Variants in NDUFB9 observed in about 807,000 individuals in gnomAD.
NDUFB9 encodes NADH dehydrogenase [ubiquinone] 1 beta subcomplex subunit 9.
A neutral mutation model predicts 30.2 loss-of-function variants in NDUFB9; 24 were observed. The ratio of observed to expected loss-of-function variants is 0.80; its 90% CI spans 0.58 to 1.12. The LOEUF (loss-of-function observed/expected upper bound fraction) is 1.12, where lower values mean the gene tolerates loss of function less well. Ranked by LOEUF, NDUFB9 falls within the 50% of genes most tolerant of loss-of-function variation. NDUFB9 has a pLI of 0.00. For synonymous variants in NDUFB9, 80 were observed against 84.0 expected (o/e 0.95, Z 0.26); for missense variants, 204 against 226.0 (o/e 0.90, Z 0.62).
chr8:124,545,895 T>C (rs1397607848), intron 2 of NDUFB9, among the ~76,000 whole-genome samples: 2 of 152,110 alleles, frequency 1.3e-5, no homozygotes, highest in African/African-American at 4.8e-5. Context: ...CAGGCTGGAG[T>C]GCAATGGCAC....
At chr8:124,541,357 C>T (rs1821978268) in intron 1 of NDUFB9, among the ~76,000 whole-genome samples, 1 of 152,210 alleles carries the variant, frequency 6.6e-6, no homozygotes, top group Non-Finnish European at 1.5e-5. Flanking sequence ...GAATTGTTCT[C>T]AAGTATTTGC....
chr8:124,545,315 G>A (rs1270497746), intron 2 of NDUFB9, among the ~76,000 whole-genome samples: 1 of 152,162 alleles, frequency 6.6e-6, no homozygotes, highest in Non-Finnish European at 1.5e-5. Flanking sequence ...CTATCAAATG[G>A]CATCACATGC....
chr8:124,543,018 CTG>C, intron 1 of NDUFB9, 67 bp from the exon 2 acceptor site: 1 of 1,535,380 alleles, frequency 6.5e-7, no homozygotes, highest in Non-Finnish European at 9.0e-7. Context: ...GTGCAGCCTC[CTG>C]TCAGACAGCA....
intron 3 of NDUFB9, among the ~76,000 whole-genome samples, chr8:124,548,735 A>G (rs573281665): frequency 4.5e-4 from 68 of 152,220 alleles, no homozygotes; most frequent in African/African-American, 1.6e-3. Context: ...GCTGAATTTA[A>G]AAAAAAACAA....
In NDUFB9 at chr8:124,549,875, C is replaced by G. The variant is rs745392030; in HGVS notation, c.523C>G (p.Arg175Gly). 6.2e-7 allele frequency: 1 copy of G among 1,614,026 alleles called. No individual in the cohort carries two copies. The highest frequency in any genetic ancestry group is 1.3e-5 in the African/African-American group (1 of 74,906). The change falls in exon 4 of 4, where the codon CGG becomes GGG. Residue 175 changes from arginine (R) to glycine (G), a missense_variant. Physicochemically the swap from Arg to Gly is moderately radical, Grantham distance 125. Coordinates refer to ENST00000276689, the MANE Select transcript of NDUFB9 (RefSeq NM_005005.3). ...PLWWYIVTRPRERPM is the reference protein window; with the variant it reads ...PLWWYIVTRPGERPM ...GTGGTGGTATATTGTGACCAGACCC[C>G]GGGAGCGGCCCATGTAGAAAGAGAG...
chr8:124,549,052 G>T (rs184160211), intron 3 of NDUFB9, among the ~76,000 whole-genome samples: 1 of 152,212 alleles, frequency 6.6e-6, no homozygotes, highest in Non-Finnish European at 1.5e-5. Flanking sequence ...ATGGTGAGCC[G>T]CAGGTGCATT....
Position 124,546,984 on chromosome 8 carries a change from T to A in NDUFB9, c.295-16T>A. On this transcript the variant is annotated splice_polypyrimidine_tract_variant and intron_variant, in intron 2 of 3. Coordinates refer to ENST00000276689, the MANE Select transcript of NDUFB9 (RefSeq NM_005005.3). The stretch of plus-strand genomic sequence containing the variant: ...TGTGTCCTGTGGATTGATACCATGA[T>A]TTCCTCTCCTGACAGGTCCCAGAAT... 6.3e-7 allele frequency: 1 copy of A among 1,575,806 alleles called. No individual in the cohort carries two copies. Among genetic ancestry groups the A allele is most frequent in the East Asian group, 2.2e-5 (1 of 44,680 alleles).
chr8:124,546,697 TC>T (rs957171171), intron 2 of NDUFB9: 35 of 442,972 alleles, frequency 7.9e-5, no homozygotes, highest in African/African-American at 6.7e-4. Context: ...AATTAAGAGT[TC>T]CAAGTAAGAT....
Position 124,539,298 on chromosome 8 carries a change from G to C in NDUFB9, c.101+11G>C. The C allele has an allele frequency of 3.1e-6, 5 of 1,613,994 alleles. No individual in the cohort carries two copies. In the East Asian group the frequency reaches 6.7e-5, roughly 22 times the overall value. ...GTGGTGCGTCCAGAGGTAAGGGATGGGGACCCAGGACTCGGGGAGGTGACC... is the reference window on the plus strand; with the variant it reads ...GTGGTGCGTCCAGAGGTAAGGGATGCGGACCCAGGACTCGGGGAGGTGACC... On this transcript the variant is annotated intron_variant, in intron 1 of 3. Coordinates refer to ENST00000276689, the MANE Select transcript of NDUFB9 (RefSeq NM_005005.3).
intron 1 of NDUFB9, 127 bp from the exon 2 acceptor site, chr8:124,542,960 A>G (rs1822057462): frequency 2.2e-6 from 2 of 920,968 alleles, no homozygotes; most frequent in Non-Finnish European, 3.5e-6. Flanking sequence ...CGGCTGCTCC[A>G]TTGGGAGGGT....
chr8:124,542,970 T>G (rs1586713367), intron 1 of NDUFB9, 117 bp from the exon 2 acceptor site: 10 of 1,023,498 alleles, frequency 9.8e-6, no homozygotes, highest in Admixed American at 5.8e-5. Flanking sequence ...ATTGGGAGGG[T>G]TGGGGTAGGT....
intron 1 of NDUFB9, 177 bp downstream of exon 1, chr8:124,539,464 CG>C: frequency 1.6e-6 from 1 of 631,124 alleles, no homozygotes; most frequent in Non-Finnish European, 2.8e-6. Flanking sequence ...CACTTATGGC[CG>C]GGAGACCTTG....
chr8:124,547,175 C>T (rs1822183205), intron 3 of NDUFB9, 62 bp downstream of exon 3: 2 of 1,273,138 alleles, frequency 1.6e-6, no homozygotes, highest in African/African-American at 1.5e-5. Flanking sequence ...TTTTGCTCCC[C>T]ACAAGCAGAG....
chr8:124,540,901 G>A (rs1821948200), intron 1 of NDUFB9, among the ~76,000 whole-genome samples: 1 of 152,160 alleles, frequency 6.6e-6, no homozygotes, highest in Admixed American at 6.5e-5. Flanking sequence ...TGGGCATGAT[G>A]GCTCACGCCT....
At chr8:124,542,972 G>A in intron 1 of NDUFB9, 115 bp from the exon 2 acceptor site, 1 of 1,051,276 alleles carries the variant, frequency 9.5e-7, no homozygotes, top group Admixed American at 1.9e-5. Context: ...TGGGAGGGTT[G>A]GGGTAGGTCC....
At chr8:124,545,595 C>T (rs574581164) in intron 2 of NDUFB9, among the ~76,000 whole-genome samples, 23 of 152,254 alleles carry the variant, frequency 1.5e-4, no homozygotes, top group African/African-American at 5.5e-4. Flanking sequence ...ATAGCATGAT[C>T]ATAGCTCACT....
chr8:124,540,894 G>A (rs889277002), intron 1 of NDUFB9, among the ~76,000 whole-genome samples: 1 of 152,202 alleles, frequency 6.6e-6, no homozygotes, highest in Non-Finnish European at 1.5e-5. Context: ...TGTTGGCTGG[G>A]CATGATGGCT....
At chr8:124,542,807 C>CTTTTTTTTTT (rs58685573) in intron 1 of NDUFB9, 4 of 204,138 alleles carry the variant, frequency 2.0e-5, no homozygotes, top group East Asian at 2.2e-4. Context: ...ATGCTCTTTT[C>CTTTTTTTTTT]TTTTTTTTTT....
At chr8:124,542,104 C>T (rs112570386) in intron 1 of NDUFB9, among the ~76,000 whole-genome samples, 2,182 of 151,628 alleles carry the variant, frequency 0.014, 24 homozygotes, top group Non-Finnish European at 0.019. Context: ...TTAGCTGAGA[C>T]GGGATTTCAC....
Sources: allele counts gnomAD v4.1 joint callset (sites outside exome capture counted in the v4.1 genomes callset), GRCh38; gene constraint gnomAD v4.1.1; transcripts MANE v1.5; gene names NCBI Gene and HGNC (gene_info 2026-07-23, HGNC 2026-07-21).